The following CREBBP variants were observed in gnomAD, a reference collection of about 807,000 sequenced individuals.
CREBBP encodes CREB binding lysine acetyltransferase, also known as CREB-binding protein.
In CREBBP, 19 loss-of-function variants were observed where a neutral mutation model predicts 265.0. The observed-to-expected ratio is 0.07, with a 90% confidence interval of 0.05 to 0.11. The LOEUF (loss-of-function observed/expected upper bound fraction) is 0.11. Among genes scored for constraint, CREBBP ranks in the 10% least tolerant of loss-of-function variants. The probability of loss-of-function intolerance (pLI) is 1.00; values close to 1 mark genes in which losing one functional copy is unlikely to be tolerated. For synonymous variants in CREBBP, 1,457 were observed against 1,223.7 expected (o/e 1.19, Z -3.98); for missense variants, 2,525 against 3,219.0 (o/e 0.78, Z 5.22).
chr16:3,735,913 G>T, intron 28 of CREBBP, 123 bp downstream of exon 28: 1 of 1,503,664 alleles, frequency 6.7e-7, no homozygotes, highest in Non-Finnish European at 9.2e-7. Context: ...TGGTGTCGAC[G>T]TGCATGTGTG....
intron 5 of CREBBP, chr16:3,791,392 C>T (rs1388372756): frequency 5.9e-6 from 1 of 168,222 alleles, no homozygotes; most frequent in Non-Finnish European, 1.3e-5. Flanking sequence ...GATGCAGCAG[C>T]CCTAGGGCAG....
intron 3 of CREBBP, among the ~76,000 whole-genome samples, chr16:3,805,566 C>T (rs544927798): frequency 9.2e-5 from 14 of 152,276 alleles, no homozygotes; most frequent in African/African-American, 2.9e-4. Flanking sequence ...GAGATCCTGG[C>T]GTTCACGAAG....
intron 19 of CREBBP, among the ~76,000 whole-genome samples, chr16:3,756,877 C>A (rs560267857): frequency 6.6e-6 from 1 of 152,118 alleles, no homozygotes; most frequent in African/African-American, 2.4e-5. Context: ...CGTTTTAGAA[C>A]GGGCAGGGCT....
intron 2 of CREBBP, among the ~76,000 whole-genome samples, chr16:3,837,109 A>G (rs539747073): frequency 1.3e-5 from 2 of 152,314 alleles, no homozygotes; most frequent in South Asian, 2.1e-4. Context: ...CAGGTCCTTC[A>G]GGCGGTATTC....
chr16:3,757,429 T>G (rs1171475635), intron 18 of CREBBP, 53 bp from the exon 19 acceptor site: 2 of 1,377,578 alleles, frequency 1.5e-6, no homozygotes, highest in Admixed American at 1.9e-5. Context: ...CCATTTACTG[T>G]CTTATAATGT....
chr16:3,737,575 C>T (rs1176220410), intron 26 of CREBBP, among the ~76,000 whole-genome samples: 1 of 151,446 alleles, frequency 6.6e-6, no homozygotes, highest in Non-Finnish European at 1.5e-5. Context: ...CTCTCCTGCC[C>T]CCACCTCCTG....
rs534895327 is a variant in CREBBP, at chr16:3,853,288, A to G, written c.86-2279T>C. On this transcript the variant is annotated intron_variant, in intron 1 of 30. Transcript: ENST00000262367. ...TATTATTATTACTGCTATCCATAAC[A>G]GGAGGTTTAATAAGCGGCTGTATAA... Among the ~76,000 whole-genome samples the G allele has an allele frequency of 2.0e-3, 303 of 152,326 alleles. 1 individual carries two copies. The highest frequency in any genetic ancestry group is 7.0e-3 in the African/African-American group (293 of 41,570).
intron 19 of CREBBP, among the ~76,000 whole-genome samples, chr16:3,752,786 T>C (rs542609017): frequency 6.6e-6 from 1 of 152,354 alleles, no homozygotes; most frequent in Admixed American, 6.5e-5. Context: ...AGAGTTAATC[T>C]TTAAAGAACA....
intron 2 of CREBBP, among the ~76,000 whole-genome samples, chr16:3,834,025 G>A (rs1300925553): frequency 6.6e-6 from 1 of 152,144 alleles, no homozygotes; most frequent in Non-Finnish European, 1.5e-5. Context: ...ATGAAAAGAT[G>A]ACCCACATCT....
intron 16 of CREBBP, chr16:3,761,517 G>A (rs776447249): frequency 1.9e-6 from 1 of 518,348 alleles, no homozygotes; most frequent in Non-Finnish European, 3.9e-6. Context: ...GATGAAAACA[G>A]GCGCACCAAG....
In CREBBP at chr16:3,856,178, T is replaced by C. The variant is rs540847459; in HGVS notation, c.86-5169A>G. On this transcript the variant is annotated intron_variant, in intron 1 of 30. Transcript: ENST00000262367. The stretch of plus-strand genomic sequence containing the variant: ...ATAGGGTCTTGCTCTGTCACCTCTG[T>C]GCAATGGCACAATCACAGCTCACTG... Among the ~76,000 whole-genome samples the C allele has an allele frequency of 1.5e-4, 23 of 152,368 alleles. 1 individual carries two copies. In the South Asian group the frequency reaches 4.8e-3, roughly 32 times the overall value.
intron 19 of CREBBP, 178 bp from the exon 20 acceptor site, chr16:3,751,984 G>A: frequency 1.5e-6 from 1 of 682,086 alleles, no homozygotes; most frequent in Non-Finnish European, 2.7e-6. Context: ...GGAAAGGCAG[G>A]ATTAGAGAAC....
chr16:3,734,382 GCCT>G (rs1399217816), intron 28 of CREBBP, among the ~76,000 whole-genome samples: 4 of 152,124 alleles, frequency 2.6e-5, no homozygotes, highest in Non-Finnish European at 5.9e-5. Flanking sequence ...TCAGCATCCC[GCCT>G]CCTAACACAT....
chr16:3,843,808 G>A (rs2054611318), intron 2 of CREBBP, among the ~76,000 whole-genome samples: 1 of 151,834 alleles, frequency 6.6e-6, no homozygotes. Flanking sequence ...AATTCTTCAT[G>A]TAATAGATAA....
intron 3 of CREBBP, among the ~76,000 whole-genome samples, chr16:3,794,193 G>A (rs1186019038): frequency 3.9e-5 from 6 of 151,904 alleles, no homozygotes; most frequent in African/African-American, 7.3e-5. Flanking sequence ...GACTATAGGC[G>A]TGGTGGCGGG....
At chr16:3,789,081 A>T (rs2053450855) in intron 5 of CREBBP, among the ~76,000 whole-genome samples, 1 of 152,334 alleles carries the variant, frequency 6.6e-6, no homozygotes, top group Non-Finnish European at 1.5e-5. Context: ...TAGAGACATT[A>T]ATCACAGAAG....
chr16:3,861,069 G>A (rs1490510889), intron 1 of CREBBP, among the ~76,000 whole-genome samples: 1 of 152,060 alleles, frequency 6.6e-6, no homozygotes, highest in African/African-American at 2.4e-5. Flanking sequence ...TCAGGAGTTC[G>A]AAACCAGCCT....
intron 2 of CREBBP, among the ~76,000 whole-genome samples, chr16:3,824,776 A>C (rs753942152): frequency 2.0e-5 from 3 of 152,102 alleles, no homozygotes; most frequent in Non-Finnish European, 2.9e-5. Context: ...GTAACTCTCT[A>C]AGCAAAATGT....
At chr16:3,822,166 G>A (rs886163586) in intron 2 of CREBBP, among the ~76,000 whole-genome samples, 4 of 152,152 alleles carry the variant, frequency 2.6e-5, no homozygotes, top group Middle Eastern at 3.4e-3. Context: ...AAAGCCACCC[G>A]ATGTTTTCCC....
Sources: allele counts gnomAD v4.1 joint callset (sites outside exome capture counted in the v4.1 genomes callset), GRCh38; gene constraint gnomAD v4.1.1; transcripts MANE v1.5; gene names NCBI Gene and HGNC (gene_info 2026-07-23, HGNC 2026-07-21).